Variants in SCN3A observed in about 807,000 individuals in gnomAD.
The protein encoded by SCN3A is sodium channel protein type 3 subunit alpha.
SCN3A carries 60 observed loss-of-function variants against 187.6 expected under a neutral mutation model. The ratio of observed to expected loss-of-function variants is 0.32; its 90% CI spans 0.26 to 0.40. The LOEUF is 0.40. SCN3A is among the 10% of genes least tolerant of loss of function. SCN3A has a pLI of 1.00. For missense variants in SCN3A, 1,601 were observed against 2,428.2 expected (o/e 0.66, Z 7.16); for synonymous variants, 788 against 829.2 (o/e 0.95, Z 0.85).
In SCN3A at chr2:165,161,137, CTTTTTTTTT is replaced by C. The variant is rs61608647; in HGVS notation, c.1031+1162_1031+1170del. ...TTTCTTTTCTTTTTTTTCTTTCTTT[CTTTTTTTTT>C]TTTTTTTTTTTTTTTTGTTTTGTAG... On this transcript the variant is annotated intron_variant, in intron 9 of 27. Transcript: ENST00000283254. Among the ~76,000 whole-genome samples the C allele has an allele frequency of 1.3e-4, 12 of 93,396 alleles. 1 individual carries two copies. Among genetic ancestry groups the C allele is most frequent in the Non-Finnish European group, 1.3e-4 (6 of 44,982 alleles). 61.3% of individuals were successfully genotyped at this position (93,396 alleles called of 152,430 possible).
chr2:165,171,732 ACT>A (rs1243954248), intron 3 of SCN3A, among the ~76,000 whole-genome samples: 1 of 151,748 alleles, frequency 6.6e-6, no homozygotes, highest in African/African-American at 2.4e-5. Flanking sequence ...ATTAATTTGT[ACT>A]CTTTTACATG....
intron 11 of SCN3A, among the ~76,000 whole-genome samples, chr2:165,149,863 T>C (rs1243584899): frequency 6.6e-6 from 1 of 152,238 alleles, no homozygotes; most frequent in Non-Finnish European, 1.5e-5. Context: ...AAGTAGGCTC[T>C]GTAACTCACT....
At chr2:165,156,900 A>C (rs1689085669) in intron 9 of SCN3A, among the ~76,000 whole-genome samples, 1 of 151,536 alleles carries the variant, frequency 6.6e-6, no homozygotes, top group Non-Finnish European at 1.5e-5. Flanking sequence ...AGATTTCATC[A>C]GTTTTTTTCT....
At chr2:165,162,170 G>C (rs1006274550) in intron 9 of SCN3A, 138 bp downstream of exon 9, 8 of 758,914 alleles carry the variant, frequency 1.1e-5, no homozygotes, top group Non-Finnish European at 1.7e-5. Flanking sequence ...AGGCAGACAA[G>C]GCACTTCCTA....
At position 165,130,344 on chromosome 2, in the gene SCN3A, T is replaced by A. The variant is rs536026476; in HGVS notation, c.2566-48A>T. 1.9e-6 allele frequency: 3 copies of A among 1,584,198 alleles called. No individual in the cohort carries two copies. The South Asian group carries it at 3.3e-5, about 18-fold the overall frequency. ...TGTTAGTAGTAATCATAATATAATTTTAGACATTATTTTATTAGTATGTGG... is the reference window on the plus strand; with the variant it reads ...TGTTAGTAGTAATCATAATATAATTATAGACATTATTTTATTAGTATGTGG... On this transcript the variant is annotated intron_variant, in intron 16 of 27. Transcript: ENST00000283254.
At chr2:165,112,175 T>C (rs1371980830) in intron 21 of SCN3A, among the ~76,000 whole-genome samples, 2 of 152,318 alleles carry the variant, frequency 1.3e-5, no homozygotes, top group East Asian at 3.9e-4. Context: ...ATCAGAGGAC[T>C]GTCATGTTGT....
intron 18 of SCN3A, among the ~76,000 whole-genome samples, chr2:165,120,756 A>G (rs978038846): frequency 4.6e-5 from 7 of 150,824 alleles, no homozygotes; most frequent in Admixed American, 4.0e-4. Context: ...CAGTGAAGCC[A>G]TTGGGTTGCT....
chr2:165,142,320 C>T (rs1478350289), intron 12 of SCN3A, among the ~76,000 whole-genome samples: 1 of 152,170 alleles, frequency 6.6e-6, no homozygotes, highest in Non-Finnish European at 1.5e-5. Flanking sequence ...CTAATTAGGT[C>T]ATGCTGATTT....
In SCN3A at chr2:165,203,840, T is replaced by A. The variant is rs1254092053; in HGVS notation, c.-265A>T. 1 of 151,672 alleles carries A rather than the reference T, an allele frequency of 6.6e-6. No homozygotes were observed. Among genetic ancestry groups the A allele is most frequent in the Non-Finnish European group, 1.5e-5 (1 of 67,928 alleles). 9.4% of individuals were successfully genotyped at this position (151,672 alleles called of 1,614,324 possible). A position where few individuals can be genotyped will look rare whatever the true frequency, so the allele number is the denominator to read the frequency against. On this transcript the variant is annotated 5_prime_UTR_variant, in exon 1 of 28. Coordinates refer to ENST00000283254, the MANE Select transcript of SCN3A (RefSeq NM_006922.4). The stretch of plus-strand genomic sequence containing the variant: ...CAGCTTACCTGATAAAACAGAGCCT[T>A]ATGAATTACAGCATAACAAAGCCCA...
chr2:165,094,195 T>C, intron 26 of SCN3A, 179 bp downstream of exon 26: 1 of 651,744 alleles, frequency 1.5e-6, no homozygotes, highest in Non-Finnish European at 2.8e-6. Flanking sequence ...CCTCCTTTTT[T>C]TGGAATGTGG....
In SCN3A at chr2:165,154,734, G is replaced by T. The variant is rs894260175; in HGVS notation, c.1174-76C>A. On this transcript the variant is annotated intron_variant, in intron 10 of 27. Transcript: ENST00000283254. Reference sequence around the variant, plus strand: ...AATAAATATCTGATTACCACAGTTAGATAGTCAGTAGACTAATTAGCTTTT... The same window carrying T: ...AATAAATATCTGATTACCACAGTTATATAGTCAGTAGACTAATTAGCTTTT... 6 of 1,401,076 alleles carry T rather than the reference G, an allele frequency of 4.3e-6. No homozygotes were observed. In the Admixed American group the frequency reaches 6.9e-5, roughly 16 times the overall value. The allele number at this position is 1,401,076 out of a possible 1,614,324, so 86.8% of individuals were successfully genotyped here. A position where few individuals can be genotyped will look rare whatever the true frequency, so the allele number is the denominator to read the frequency against.
At chr2:165,117,393 A>G (rs1295991064) in intron 18 of SCN3A, among the ~76,000 whole-genome samples, 2 of 151,954 alleles carry the variant, frequency 1.3e-5, no homozygotes, top group Non-Finnish European at 2.9e-5. Flanking sequence ...TTCTTGCATG[A>G]TTTTCTTCAT....
rs565564206 is a variant in SCN3A, at chr2:165,200,226, GTAAT to G, written c.-248+3593_-248+3596del. 1.5e-3 allele frequency among the ~76,000 whole-genome samples: 233 copies of G among 152,174 alleles called. 4 individuals carry two copies. The highest frequency in any genetic ancestry group is 0.013 in the Admixed American group (192 of 15,258). ...GTAATTATATTTCACTGGTAGGTGG[GTAAT>G]TAATCCTCACAGTTTTGGAAAACTG... is the stretch of plus-strand genomic sequence containing the variant. On this transcript the variant is annotated intron_variant, in intron 1 of 27. Transcript: ENST00000283254.
intron 2 of SCN3A, among the ~76,000 whole-genome samples, chr2:165,182,898 G>C (rs1277339807): frequency 1.3e-5 from 2 of 149,474 alleles, no homozygotes; most frequent in Non-Finnish European, 2.9e-5. Flanking sequence ...GATTGCTTGA[G>C]CCCAGGAATT....
chr2:165,107,629 C>T (rs1489115724), intron 21 of SCN3A, among the ~76,000 whole-genome samples: 5 of 152,222 alleles, frequency 3.3e-5, no homozygotes, highest in Non-Finnish European at 7.3e-5. Context: ...TATACGCAAT[C>T]ACCTTCGGTG....
intron 22 of SCN3A, 174 bp from the exon 23 acceptor site, chr2:165,097,698 C>T: frequency 1.2e-6 from 1 of 800,028 alleles, no homozygotes. Flanking sequence ...CAAACAATGA[C>T]ACAACTAAAG....
chr2:165,161,120 C>CT (rs1353692125), intron 9 of SCN3A, among the ~76,000 whole-genome samples: 2 of 94,618 alleles, frequency 2.1e-5, no homozygotes, highest in African/African-American at 7.1e-5. Context: ...CTTTTCTTTT[C>CT]TTTTTTTTCT....
At chr2:165,170,308 T>C (rs149131702) in intron 4 of SCN3A, 122 bp downstream of exon 4, 88 of 678,440 alleles carry the variant, frequency 1.3e-4, no homozygotes, top group Non-Finnish European at 1.4e-5. Flanking sequence ...ATAAATGAAT[T>C]AAACTAACAA....
At chr2:165,154,715 TATCTG>T in intron 10 of SCN3A, 57 bp from the exon 11 acceptor site, 1 of 1,472,504 alleles carries the variant, frequency 6.8e-7, no homozygotes, top group Non-Finnish European at 9.5e-7. Context: ...CCCAAATAAA[TATCTG>T]ATTACCACAG....
Sources: allele counts gnomAD v4.1 joint callset (sites outside exome capture counted in the v4.1 genomes callset), GRCh38; gene constraint gnomAD v4.1.1; transcripts MANE v1.5; gene names NCBI Gene and HGNC (gene_info 2026-07-23, HGNC 2026-07-21).